The following P3H2 variants were observed in gnomAD, a reference collection of about 807,000 sequenced individuals.
P3H2 encodes the protein prolyl 3-hydroxylase 2.
P3H2 carries 80 observed loss-of-function variants against 87.0 expected under a neutral mutation model. That is an observed-to-expected ratio of 0.92 (90% CI 0.77 to 1.11). P3H2 has a LOEUF of 1.11. P3H2 is among the 50% of genes least tolerant of loss of function. The pLI, the probability that P3H2 is intolerant of heterozygous loss-of-function variation, is 0.00. For synonymous variants in P3H2, 367 were observed against 359.3 expected (o/e 1.02, Z -0.24); for missense variants, 1,001 against 923.9 (o/e 1.08, Z -1.08).
intron 1 of P3H2, among the ~76,000 whole-genome samples, chr3:190,055,708 C>T (rs1294094184): frequency 1.3e-5 from 2 of 152,122 alleles, no homozygotes; most frequent in African/African-American, 4.8e-5. Context: ...AAAATAGATT[C>T]AGCGTTCCAA....
Position 189,970,962 on chromosome 3 carries a change from A to G in P3H2, c.1818-71T>C. On this transcript the variant is annotated intron_variant, in intron 12 of 14. Transcript: ENST00000319332. ...AGAGCATGGTCATAGAATACTGAAG[A>G]CTGGTGATGTACTGTCCAGCCTCCA... 3.4e-6 allele frequency: 3 copies of G among 870,856 alleles called. No homozygotes were observed. In the Admixed American group the frequency reaches 5.3e-5, roughly 15 times the overall value. 53.9% of individuals were successfully genotyped at this position (870,856 alleles called of 1,614,324 possible).
At chr3:190,104,517 A>G (rs1373627345) in intron 1 of P3H2, among the ~76,000 whole-genome samples, 1 of 152,192 alleles carries the variant, frequency 6.6e-6, no homozygotes, top group Non-Finnish European at 1.5e-5. Flanking sequence ...AACAGTATCA[A>G]AGTTTGAGAA....
chr3:190,004,652 G>C (rs564108620), intron 1 of P3H2, among the ~76,000 whole-genome samples: 90 of 152,282 alleles, frequency 5.9e-4, no homozygotes, highest in Admixed American at 3.3e-4. Context: ...AAAGTGCTGG[G>C]ATTACAGGTG....
intron 14 of P3H2, among the ~76,000 whole-genome samples, chr3:189,961,138 G>A (rs844393): frequency 0.21 from 32,178 of 151,782 alleles, 3,668 homozygotes; most frequent in Non-Finnish European, 0.27. Flanking sequence ...ACGGGGTTTC[G>A]CCATGTTGGC....
At chr3:190,030,037 T>C (rs57381859) in intron 1 of P3H2, among the ~76,000 whole-genome samples, 32,039 of 151,444 alleles carry the variant, frequency 0.21, 5,091 homozygotes, top group African/African-American at 0.45. Flanking sequence ...AAAAAGATAA[T>C]GTGCTGAACT....
intron 1 of P3H2, among the ~76,000 whole-genome samples, chr3:190,079,066 T>A (rs975407257): frequency 5.9e-5 from 9 of 152,172 alleles, no homozygotes; most frequent in African/African-American, 2.2e-4. Context: ...TTGAGCCAGG[T>A]GTGGTGGCTC....
intron 1 of P3H2, among the ~76,000 whole-genome samples, chr3:190,016,832 A>G (rs1290143987): frequency 6.6e-6 from 1 of 152,168 alleles, no homozygotes; most frequent in Non-Finnish European, 1.5e-5. Context: ...GACATTCACT[A>G]CCTTCCAAAA....
intron 1 of P3H2, among the ~76,000 whole-genome samples, chr3:190,009,361 A>C (rs2108933404): frequency 1.3e-5 from 2 of 152,326 alleles, no homozygotes; most frequent in Non-Finnish European, 1.5e-5. Flanking sequence ...CTATGTTGTT[A>C]GTTTGTTCGA....
At chr3:189,986,972 C>A in intron 5 of P3H2, 95 bp from the exon 6 acceptor site, 1 of 817,424 alleles carries the variant, frequency 1.2e-6, no homozygotes, top group Middle Eastern at 2.3e-4. Context: ...ATTAGATAGT[C>A]ACAAATGAGC....
chr3:190,029,846 C>CA (rs1179585525), intron 1 of P3H2, among the ~76,000 whole-genome samples: 2 of 151,606 alleles, frequency 1.3e-5, no homozygotes, highest in Non-Finnish European at 2.9e-5. Flanking sequence ...ACTAAAAATA[C>CA]AAAAAATTAG....
intron 1 of P3H2, among the ~76,000 whole-genome samples, chr3:190,024,351 A>G (rs138819771): frequency 6.6e-6 from 1 of 152,124 alleles, no homozygotes; most frequent in Non-Finnish European, 1.5e-5. Context: ...AGCGTGTCCA[A>G]TATGGTGAAA....
At chr3:190,075,461 G>A (rs944371807) in intron 1 of P3H2, among the ~76,000 whole-genome samples, 2 of 150,544 alleles carry the variant, frequency 1.3e-5, no homozygotes, top group African/African-American at 2.5e-5. Flanking sequence ...CTCCAGCCTG[G>A]GCAACAAGAG....
At position 190,046,770 on chromosome 3, in the gene P3H2, G is replaced by T. The variant is rs1376362808; in HGVS notation, c.481-51328C>A. ...TTAATGTAAATTAAAGAAATTTATG[G>T]TAATTTATTTTTAATTTAATTTAAT... On this transcript the variant is annotated intron_variant, in intron 1 of 14. Coordinates refer to ENST00000319332, the MANE Select transcript of P3H2 (RefSeq NM_018192.4). Among the ~76,000 whole-genome samples the T allele has an allele frequency of 2.0e-5, 3 of 151,780 alleles. No individual in the cohort carries two copies. The East Asian group carries it at 5.8e-4, about 29-fold the overall frequency.
intron 1 of P3H2, among the ~76,000 whole-genome samples, chr3:190,068,482 C>T (rs1481463836): frequency 5.9e-5 from 9 of 152,166 alleles, no homozygotes; most frequent in Admixed American, 5.9e-4. Flanking sequence ...CCCTTTGTCT[C>T]CCACAAAAGT....
chr3:190,046,756 TAAAG>T (rs960958614), intron 1 of P3H2, among the ~76,000 whole-genome samples: 1 of 152,178 alleles, frequency 6.6e-6, no homozygotes, highest in African/African-American at 2.4e-5. Flanking sequence ...TAATGTAAAT[TAAAG>T]AAATTTATGG....
At position 189,956,851 on chromosome 3, in the gene P3H2, A is replaced by G; in HGVS notation, c.*1061T>C. 1 of 350,808 alleles carries G rather than the reference A, an allele frequency of 2.9e-6. No homozygotes were observed. Among genetic ancestry groups the G allele is most frequent in the Non-Finnish European group, 5.1e-6 (1 of 196,926 alleles). 21.7% of individuals were successfully genotyped at this position (350,808 alleles called of 1,614,324 possible). A position where few individuals can be genotyped will look rare whatever the true frequency, so the allele number is the denominator to read the frequency against. ...GACGGTTAAAATCAATCAGAAATTT[A>G]TTTTTCTTATGTAAGTACAAAACAC... On this transcript the variant is annotated 3_prime_UTR_variant, in exon 15 of 15. Transcript: ENST00000319332.
intron 14 of P3H2, among the ~76,000 whole-genome samples, chr3:189,961,553 C>G (rs1020163900): frequency 6.6e-6 from 1 of 152,092 alleles, no homozygotes; most frequent in Admixed American, 6.5e-5. Context: ...CAGGAACTCC[C>G]AAACTCTGCT....
rs1412110584 is a variant in P3H2 at position 189,989,007 on chromosome 3, A to T, written c.855T>A (p.His285Gln). ...GGGTGGCAAGTTCCCTCACACATTC[A>T]TGCTGACAAACAAGCACCTGCATGT... ...DHYMQVLVCQHECVRELATRP... is the reference protein window; with the variant it reads ...DHYMQVLVCQQECVRELATRP... The change falls in exon 4 of 15, where the codon CAT (histidine) becomes CAA (glutamine). Residue 285 changes from histidine to glutamine, a missense_variant. Coordinates refer to ENST00000319332, the MANE Select transcript of P3H2 (RefSeq NM_018192.4). 7 of 1,614,024 alleles carry T rather than the reference A, an allele frequency of 4.3e-6. No homozygotes were observed. The highest frequency in any genetic ancestry group is 1.1e-5 in the South Asian group (1 of 91,072).
intron 10 of P3H2, 184 bp from the exon 11 acceptor site, chr3:189,973,208 A>G: frequency 1.7e-6 from 1 of 595,998 alleles, no homozygotes; most frequent in Non-Finnish European, 2.9e-6. Context: ...TCTTCCCAAT[A>G]ACAGATGGAA....
Sources: gnomAD v4.1 joint callset for allele counts (sites outside exome capture counted in the v4.1 genomes callset) on GRCh38, gnomAD v4.1.1 for gene constraint, MANE v1.5 for transcripts, NCBI Gene and HGNC (gene_info 2026-07-23, HGNC 2026-07-21) for gene names.